ME3: variants seen among roughly 807,000 people sequenced by gnomAD.
ME3 encodes NADP-dependent malic enzyme, mitochondrial.
A neutral mutation model predicts 68.9 loss-of-function variants in ME3; 48 were observed. The observed-to-expected ratio is 0.70, with a 90% confidence interval of 0.55 to 0.89. The LOEUF is 0.89. ME3 is among the 40% of genes least tolerant of loss of function. ME3 has a pLI of 0.00. For synonymous variants in ME3, 320 were observed against 318.8 expected (o/e 1.00, Z -0.04); for missense variants, 675 against 797.4 (o/e 0.85, Z 1.85).
chr11:86,654,711 A>G (rs1288691891), intron 2 of ME3, among the ~76,000 whole-genome samples: 2 of 151,948 alleles, frequency 1.3e-5, no homozygotes, highest in African/African-American at 4.8e-5. Context: ...CTCTCTCACC[A>G]CTCCTATTCA....
chr11:86,483,331 CAG>C (rs1951517254), intron 7 of ME3, among the ~76,000 whole-genome samples: 1 of 152,210 alleles, frequency 6.6e-6, no homozygotes, highest in Admixed American at 6.5e-5. Flanking sequence ...TCTGGAAGGA[CAG>C]GGGCTCACAT....
chr11:86,485,593 C>G (rs1250694904), intron 7 of ME3, among the ~76,000 whole-genome samples: 1 of 152,186 alleles, frequency 6.6e-6, no homozygotes, highest in East Asian at 1.9e-4. Flanking sequence ...TACTATCCAA[C>G]TCAACAGTTT....
chr11:86,514,263 A>G (rs1953738220), intron 4 of ME3, among the ~76,000 whole-genome samples: 1 of 152,162 alleles, frequency 6.6e-6, no homozygotes, highest in Non-Finnish European at 1.5e-5. Flanking sequence ...TCTTTTCTTT[A>G]TAAATTACCC....
chr11:86,595,302 T>TAGAG lies in ME3; in HGVS notation c.184-35480_184-35479insCTCT, dbSNP rs1268407167. Among the ~76,000 whole-genome samples, 196 of 63,168 alleles carry TAGAG rather than the reference T, an allele frequency of 3.1e-3. 7 individuals carry two copies. The highest frequency in any genetic ancestry group is 6.3e-3 in the South Asian group (11 of 1,742). 41.4% of individuals were successfully genotyped at this position (63,168 alleles called of 152,430 possible). On this transcript the variant is annotated intron_variant, in intron 2 of 14. Transcript: ENST00000543262. The stretch of plus-strand genomic sequence containing the variant: ...ATATATATACATATACATATATATA[T>TAGAG]ATATAGAGAGAGAGAGAGAGAGAGA...
exon 2 of ME3, chr11:86,671,777 G>T: frequency 6.2e-7 from 1 of 1,603,364 alleles, no homozygotes; most frequent in Non-Finnish European, 8.5e-7. Flanking sequence ...TGAGATGAGG[G>T]TTCCTGGTGA....
intron 2 of ME3, among the ~76,000 whole-genome samples, chr11:86,651,244 T>A (rs1389035898): frequency 6.6e-6 from 1 of 152,140 alleles, no homozygotes; most frequent in African/African-American, 2.4e-5. Context: ...TGGAAGACAG[T>A]AGTGGTTCTC....
intron 2 of ME3, among the ~76,000 whole-genome samples, chr11:86,581,137 AAT>A (rs1347286123): frequency 6.6e-6 from 1 of 152,188 alleles, no homozygotes; most frequent in Non-Finnish European, 1.5e-5. Context: ...CATCTAAAAA[AAT>A]ATATAGATTT....
rs374191172 is a variant in ME3 at position 86,621,640 on chromosome 11, G to A, written c.183+50122C>T. ...AACTTTGAACTTGTTTTTGTGAATA[G>A]GGTTGTATTCAAATTCAAGCTGACT... On this transcript the variant is annotated intron_variant, in intron 2 of 14. Transcript: ENST00000543262. Among the ~76,000 whole-genome samples the A allele has an allele frequency of 1.1e-4, 17 of 151,694 alleles. No individual in the cohort carries two copies. The East Asian group carries it at 1.9e-3, about 17-fold the overall frequency.
chr11:86,530,326 C>T (rs1179725349), intron 4 of ME3, among the ~76,000 whole-genome samples: 3 of 152,134 alleles, frequency 2.0e-5, no homozygotes, highest in Non-Finnish European at 2.9e-5. Context: ...GAACTACAAA[C>T]CACTGCTCAA....
intron 4 of ME3, among the ~76,000 whole-genome samples, chr11:86,539,068 C>T (rs1955874185): frequency 6.6e-6 from 1 of 152,132 alleles, no homozygotes; most frequent in Non-Finnish European, 1.5e-5. Flanking sequence ...GGCCAAGACT[C>T]CCTCAAAGTG....
At chr11:86,622,949 A>G (rs1943437621) in intron 2 of ME3, 2 of 150,562 alleles carry the variant, frequency 1.3e-5, no homozygotes, top group Admixed American at 6.6e-5. Flanking sequence ...TGGGAGAATG[A>G]CCTTGTGTAA....
At chr11:86,620,911 C>T (rs1186500897) in intron 2 of ME3, among the ~76,000 whole-genome samples, 1 of 152,180 alleles carries the variant, frequency 6.6e-6, no homozygotes, top group African/African-American at 2.4e-5. Context: ...GACCTAGGCC[C>T]ACTTGTCTTG....
chr11:86,551,705 T>C (rs1047303650), intron 4 of ME3, among the ~76,000 whole-genome samples: 8 of 152,182 alleles, frequency 5.3e-5, no homozygotes, highest in Non-Finnish European at 4.4e-5. Context: ...ATTCAATAAA[T>C]GGTAACTCTT....
intron 2 of ME3, among the ~76,000 whole-genome samples, chr11:86,560,992 A>G (rs1486643272): frequency 6.6e-6 from 1 of 151,854 alleles, no homozygotes; most frequent in Non-Finnish European, 1.5e-5. Context: ...GGAAGATCAC[A>G]GAAGTAGAGT....
chr11:86,441,079 A>C (rs1948970309), downstream of ME3: 3 of 409,072 alleles, frequency 7.3e-6, no homozygotes, highest in South Asian at 1.1e-4. Context: ...AACTCAGAGG[A>C]GGGTTCAGAA....
intron 7 of ME3, among the ~76,000 whole-genome samples, chr11:86,486,263 C>G (rs1032276597): frequency 1.3e-5 from 2 of 152,194 alleles, no homozygotes; most frequent in African/African-American, 4.8e-5. Context: ...TGTCTTTTGA[C>G]AGGATCATTT....
intron 8 of ME3, among the ~76,000 whole-genome samples, chr11:86,450,822 C>T (rs578143906): frequency 1.3e-5 from 2 of 152,298 alleles, no homozygotes; most frequent in East Asian, 3.9e-4. Flanking sequence ...CTGAGCTGCC[C>T]ATCTTATCTA....
rs558923223 is a variant in ME3, at chr11:86,630,288, C to T, written c.183+41474G>A. Reference sequence around the variant, plus strand: ...TGGATTTCTGGTCATGAGGCCCTGACTGACAGCGCTTGGTTGAAGTATTTT... The same window carrying T: ...TGGATTTCTGGTCATGAGGCCCTGATTGACAGCGCTTGGTTGAAGTATTTT... On this transcript the variant is annotated intron_variant, in intron 2 of 14. Transcript: ENST00000543262. Among the ~76,000 whole-genome samples, 13 of 152,312 alleles carry T rather than the reference C, an allele frequency of 8.5e-5. No homozygotes were observed. The South Asian group carries it at 2.7e-3, about 32-fold the overall frequency.
chr11:86,652,520 A>G (rs1346657760), intron 2 of ME3, among the ~76,000 whole-genome samples: 8 of 152,194 alleles, frequency 5.3e-5, no homozygotes, highest in Middle Eastern at 3.4e-3. Context: ...GGAGAAATAA[A>G]ATACTTGAGA....
Sources: allele counts gnomAD v4.1 joint callset (sites outside exome capture counted in the v4.1 genomes callset), GRCh38; gene constraint gnomAD v4.1.1; transcripts MANE v1.5; gene names NCBI Gene and HGNC (gene_info 2026-07-23, HGNC 2026-07-21).